The following EPHA2 variants were observed in gnomAD, a reference collection of about 807,000 sequenced individuals.
EPHA2 encodes EPH receptor A2.
A neutral mutation model predicts 104.9 loss-of-function variants in EPHA2; 54 were observed. The observed-to-expected ratio is 0.51, with a 90% CI of 0.41 to 0.65. EPHA2 has a LOEUF of 0.65. Among genes scored for constraint, EPHA2 ranks in the 30% least tolerant of loss-of-function variants. The pLI is 0.00. For missense variants in EPHA2, 1,117 were observed against 1,369.5 expected, an observed-to-expected ratio of 0.82 and a Z score of 2.91; for synonymous variants, 560 against 559.1, an observed-to-expected ratio of 1.00 and a Z score of -0.02.
At position 16,131,612 on chromosome 1, in the gene EPHA2, G is replaced by A. The variant is rs994504669; in HGVS notation, c.2475+109C>T. ...AAAAAAATAAACATTTATGGAGCAA[G>A]CCTAAGAAGGTTCATCTAAACTGTC... On this transcript the variant is annotated intron_variant, in intron 14 of 16. Transcript: ENST00000358432. This position sits in a 1 kb window ranked among gnomAD's most constrained non-coding sequence, Gnocchi z 5.2. The A allele has an allele frequency of 8.1e-5, 120 of 1,472,958 alleles. No individual in the cohort carries two copies. Among genetic ancestry groups the A allele is most frequent in the Non-Finnish European group, 2.8e-5 (30 of 1,070,214 alleles). 91.2% of individuals were successfully genotyped at this position (1,472,958 alleles called of 1,614,324 possible).
rs753911203 is a variant in EPHA2, at chr1:16,148,495, C to T, written c.706G>A (p.Val236Met). The T allele has an allele frequency of 1.2e-6, 2 of 1,613,722 alleles. No individual in the cohort carries two copies. Among genetic ancestry groups the T allele is most frequent in the South Asian group, 1.1e-5 (1 of 91,092 alleles). The change falls in exon 3 of 17, where the codon GTG becomes ATG. Residue 236 changes from valine (V) to methionine (M), a missense_variant. Val to Met is a conservative substitution (Grantham distance 21, BLOSUM62 1). Around this residue, in one of 3 missense-constraint regions of EPHA2, gnomAD observed 664 missense variants for 784.8 expected, o/e 0.85. Transcript: ENST00000358432. The surrounding 1 kb of genome is among the most constrained non-coding windows in gnomAD (Gnocchi z 4.9). Reference protein sequence around the residue: ...VAGTCVDHAVVPPGGEEPRMH... With the variant: ...VAGTCVDHAVMPPGGEEPRMH... ...CGGGGCTCTTCACCCCCCGGTGGCA[C>T]CACGGCATGGTCCACACAGGTGCCG...
chr1:16,143,207 T>C (rs1367546600), intron 3 of EPHA2, among the ~76,000 whole-genome samples: 1 of 81,660 alleles, frequency 1.2e-5, no homozygotes, highest in East Asian at 4.4e-4. Flanking sequence ...TGGATGGATG[T>C]AGGGGTGGAT....
chr1:16,125,457 T>G lies in EPHA2; in HGVS notation c.2826-137A>C. 1.5e-6 allele frequency: 1 copy of G among 671,920 alleles called. No individual in the cohort carries two copies. The highest frequency in any genetic ancestry group is 1.8e-5 in the South Asian group (1 of 54,190). The allele number at this position is 671,920 out of a possible 1,614,324, so 41.6% of individuals were successfully genotyped here. A position where few individuals can be genotyped will look rare whatever the true frequency, so the allele number is the denominator to read the frequency against. On this transcript the variant is annotated intron_variant, in intron 16 of 16. Coordinates refer to ENST00000358432, the MANE Select transcript of EPHA2 (RefSeq NM_004431.5). The surrounding 1 kb of genome is among the most constrained non-coding windows in gnomAD (Gnocchi z 4.9). The stretch of plus-strand genomic sequence containing the variant: ...GAGGAGGAGGGTGGAGAGGGTGCCT[T>G]GGGGACCTGTAGGGCAAGAGAGCTC...
chr1:16,153,753 G>A (rs750488752), intron 1 of EPHA2, among the ~76,000 whole-genome samples: 26 of 152,128 alleles, frequency 1.7e-4, no homozygotes, highest in Non-Finnish European at 3.4e-4. Context: ...AGGGGTGAGG[G>A]GGCAAGAAAG....
Position 16,148,738 on chromosome 1 carries a change from C to T in EPHA2, c.463G>A (p.Asp155Asn), listed in dbSNP as rs767460372. The T allele has an allele frequency of 1.9e-6, 3 of 1,613,902 alleles. No homozygotes were observed. Among genetic ancestry groups the T allele is most frequent in the Non-Finnish European group, 2.5e-6 (3 of 1,180,038 alleles). Reference protein sequence around the residue: ...IAPDEITVSSDFEARHVKLNV... With the variant: ...IAPDEITVSSNFEARHVKLNV... ...AGCTTCACGTGGCGTGCCTCGAAGT[C>T]GCTGCTGACGGTGATCTCATCGGGC... Residue 155 changes from aspartate (D) to asparagine (N), a missense_variant, in exon 3 of 17, where the codon GAC (aspartate) becomes AAC (asparagine). Asp to Asn is a conservative substitution (Grantham distance 23, BLOSUM62 1). Transcript: ENST00000358432. This position sits in a 1 kb window ranked among gnomAD's most constrained non-coding sequence, Gnocchi z 4.9.
Position 16,137,846 on chromosome 1 carries a change from A to T in EPHA2, c.1312+7T>A, listed in dbSNP as rs770482714. 1.2e-6 allele frequency: 2 copies of T among 1,613,498 alleles called. No homozygotes were observed. The highest frequency in any genetic ancestry group is 1.7e-6 in the Non-Finnish European group (2 of 1,179,852). ...CATAGGGCACAGCTGCCACCCCTGG[A>T]CCTCACCTGTCTGGTTGATGCTGAC... On this transcript the variant is annotated splice_region_variant and intron_variant, in intron 5 of 16. Coordinates refer to ENST00000358432, the MANE Select transcript of EPHA2 (RefSeq NM_004431.5).
intron 3 of EPHA2, among the ~76,000 whole-genome samples, chr1:16,144,548 G>A (rs2024890368): frequency 6.6e-6 from 1 of 152,222 alleles, no homozygotes; most frequent in African/African-American, 2.4e-5. Context: ...CACTGGGGCT[G>A]TAAGCAGTGG....
chr1:16,130,079 G>T lies in EPHA2; in HGVS notation c.2669+147C>A. Reference sequence around the variant, plus strand: ...CTATTAGGATTTCCTGGGCCATCGTGTCCAGTCTAAGTCAAGTCCACACAT... The same window carrying T: ...CTATTAGGATTTCCTGGGCCATCGTTTCCAGTCTAAGTCAAGTCCACACAT... On this transcript the variant is annotated intron_variant, in intron 15 of 16. Coordinates refer to ENST00000358432, the MANE Select transcript of EPHA2 (RefSeq NM_004431.5). This position sits in a 1 kb window ranked among gnomAD's most constrained non-coding sequence, Gnocchi z 4.5. 9.3e-7 allele frequency: 1 copy of T among 1,080,312 alleles called. No homozygotes were observed. The highest frequency in any genetic ancestry group is 1.4e-6 in the Non-Finnish European group (1 of 738,282). The allele number at this position is 1,080,312 out of a possible 1,614,324, so 66.9% of individuals were successfully genotyped here. A position where few individuals can be genotyped will look rare whatever the true frequency, so the allele number is the denominator to read the frequency against.
chr1:16,138,200 G>C lies in EPHA2; in HGVS notation c.980-15C>G, dbSNP rs1376010937. 2 of 1,611,144 alleles carry C rather than the reference G, an allele frequency of 1.2e-6. No homozygotes were observed. Among genetic ancestry groups the C allele is most frequent in the South Asian group, 2.2e-5 (2 of 91,012 alleles). ...GGAGGGGGGTCCTGCACAGACAGGA[G>C]GAGTCAGTGCTGTGCTGGACCCAGG... is the stretch of plus-strand genomic sequence containing the variant. On this transcript the variant is annotated splice_polypyrimidine_tract_variant and intron_variant, in intron 4 of 16. Coordinates refer to ENST00000358432, the MANE Select transcript of EPHA2 (RefSeq NM_004431.5).
chr1:16,144,463 C>A (rs772609948), intron 3 of EPHA2, among the ~76,000 whole-genome samples: 1 of 152,206 alleles, frequency 6.6e-6, no homozygotes, highest in Non-Finnish European at 1.5e-5. Flanking sequence ...CCGAGACCAC[C>A]CTGTCTAAAG....
At chr1:16,152,964 C>T (rs1478069297) in intron 1 of EPHA2, among the ~76,000 whole-genome samples, 1 of 152,152 alleles carries the variant, frequency 6.6e-6, no homozygotes, top group Non-Finnish European at 1.5e-5. Context: ...CTGACGCGGG[C>T]GCGGCTCTTT....
rs1292665475 is a variant in EPHA2 at position 16,130,912 on chromosome 1, G to A, written c.2476-493C>T. ...CCCAAAGTGCTAGGATTACAGGCAT[G>A]CGCCATTGCTCCCAGCTAGAAGGGA... On this transcript the variant is annotated intron_variant, in intron 14 of 16. Transcript: ENST00000358432. The surrounding 1 kb of genome is among the most constrained non-coding windows in gnomAD (Gnocchi z 4.5). 1.3e-5 allele frequency among the ~76,000 whole-genome samples: 2 copies of A among 152,124 alleles called. No individual in the cohort carries two copies. The highest frequency in any genetic ancestry group is 4.8e-5 in the African/African-American group (2 of 41,432).
intron 4 of EPHA2, 39 bp from the exon 5 acceptor site, chr1:16,138,224 G>A: frequency 6.2e-7 from 1 of 1,612,162 alleles, no homozygotes; most frequent in Non-Finnish European, 8.5e-7. Flanking sequence ...GCTGGACCCA[G>A]GCGGACACGT....
In EPHA2 at chr1:16,155,886, C is replaced by T; in HGVS notation, c.47G>A (p.Cys16Tyr). 6.8e-7 allele frequency: 1 copy of T among 1,475,950 alleles called. No individual in the cohort carries two copies. Among genetic ancestry groups the T allele is most frequent in the Non-Finnish European group, 8.9e-7 (1 of 1,120,510 alleles). 91.4% of individuals were successfully genotyped at this position (1,475,950 alleles called of 1,614,324 possible). ...ARACFALLWG[C>Y]ALAAAAAAQG... Reference sequence around the variant, plus strand: ...CGCCGCCGCGGCCGCGGCCAGCGCACAGCCCCACAGCAGGGCGAAGCAGGC... The same window carrying T: ...CGCCGCCGCGGCCGCGGCCAGCGCATAGCCCCACAGCAGGGCGAAGCAGGC... Residue 16 changes from cysteine (C) to tyrosine (Y), a missense_variant, in exon 1 of 17, where the codon TGT becomes TAT. By Grantham distance (194) the Cys-to-Tyr change is radical. Coordinates refer to ENST00000358432, the MANE Select transcript of EPHA2 (RefSeq NM_004431.5).
chr1:16,151,929 T>C (rs961315721), intron 1 of EPHA2, among the ~76,000 whole-genome samples: 3 of 152,124 alleles, frequency 2.0e-5, no homozygotes, highest in Non-Finnish European at 2.9e-5. Flanking sequence ...CTCCCACTGA[T>C]CCACCCCAGG....
intron 3 of EPHA2, among the ~76,000 whole-genome samples, chr1:16,139,966 C>A (rs549189404): frequency 6.6e-6 from 1 of 152,262 alleles, no homozygotes; most frequent in Admixed American, 6.5e-5. Context: ...TAAGGACAAC[C>A]CCCTCCAGGG....
intron 10 of EPHA2, 27 bp from the exon 11 acceptor site, chr1:16,133,395 G>A (rs2124206366): frequency 6.2e-7 from 1 of 1,613,794 alleles, no homozygotes; most frequent in Non-Finnish European, 8.5e-7. Flanking sequence ...TCAGGGGAGT[G>A]CCCTGGTCAG....
intron 13 of EPHA2, 44 bp downstream of exon 13, chr1:16,132,020 G>T: frequency 6.2e-7 from 1 of 1,613,646 alleles, no homozygotes; most frequent in Non-Finnish European, 8.5e-7. Flanking sequence ...ACACCATGCA[G>T]GGCGAAGGCC....
In EPHA2 at chr1:16,125,306, A is replaced by G. The variant is rs1163007953; in HGVS notation, c.2840T>C (p.Ile947Thr). Residue 947 changes from isoleucine to threonine, a missense_variant, in exon 17 of 17, where the codon ATT becomes ACT. Physicochemically the swap from Ile to Thr is moderately conservative, Grantham distance 89. This residue lies in a region of EPHA2 where 340 missense variants were observed against 480.5 expected (regional missense o/e 0.71). Transcript: ENST00000358432. This position sits in a 1 kb window ranked among gnomAD's most constrained non-coding sequence, Gnocchi z 4.9. ...VQMTNDDIKR[I>T]GVRLPGHQKR... ...CTGGTGGCCGGGCAGCCGCACCCCA[A>G]TCCTCTTGATGTCGCTGTGGGCCGG... 6.3e-7 allele frequency: 1 copy of G among 1,577,006 alleles called. No homozygotes were observed. The highest frequency in any genetic ancestry group is 2.4e-5 in the East Asian group (1 of 41,616).
Sources: gnomAD v4.1 joint callset for allele counts (sites outside exome capture counted in the v4.1 genomes callset) on GRCh38, gnomAD v4.1.1 for gene constraint, gnomAD v4.1.1 regional missense constraint, Gnocchi (gnomAD v3.1) non-coding constraint, MANE v1.5 for transcripts, NCBI Gene and HGNC (gene_info 2026-07-23, HGNC 2026-07-21) for gene names.